The following COL17A1 variants were observed in gnomAD, a reference collection of about 807,000 sequenced individuals.
COL17A1 encodes the protein collagen alpha-1(XVII) chain.
In COL17A1, 181 loss-of-function variants were observed where a neutral mutation model predicts 218.4. The observed-to-expected ratio is 0.83, with a 90% CI of 0.73 to 0.94. The LOEUF (loss-of-function observed/expected upper bound fraction) is 0.94. Ranked by LOEUF, COL17A1 falls within the 40% of genes least tolerant of loss-of-function variation. COL17A1 has a pLI of 0.00. For synonymous variants in COL17A1, 721 were observed against 731.0 expected, an observed-to-expected ratio of 0.99 and a Z score of 0.22; for missense variants, 1,924 against 1,945.9, an observed-to-expected ratio of 0.99 and a Z score of 0.21.
chr10:104,040,551 TGGATGAATGGGC>T (rs1311311263), intron 39 of COL17A1, 141 bp from the exon 40 acceptor site: 6 of 618,952 alleles, frequency 9.7e-6, no homozygotes, highest in African/African-American at 7.3e-5. Context: ...AATGGGTGGG[TGGATGAATGGGC>T]GGGTGGGTGG....
At chr10:104,036,710 TC>T (rs1221384758) in intron 47 of COL17A1, 78 bp from the exon 48 acceptor site, 1 of 1,553,080 alleles carries the variant, frequency 6.4e-7, no homozygotes, top group South Asian at 1.1e-5. Flanking sequence ...CAGCCTGGGC[TC>T]CCCTGCACAA....
At chr10:104,082,990 A>G (rs918549742) in intron 1 of COL17A1, among the ~76,000 whole-genome samples, 1 of 152,198 alleles carries the variant, frequency 6.6e-6, no homozygotes, top group Non-Finnish European at 1.5e-5. Context: ...GTACAGGTAG[A>G]TGCCTCTCTC....
In COL17A1 at chr10:104,033,383, A is replaced by G; in HGVS notation, c.4157-8T>C. ...CTTGCAGTAGGCCCTGACCTGTAAA[A>G]CACCAGAGCTTGGGCACAGGAAGCA... On this transcript the variant is annotated splice_polypyrimidine_tract_variant and splice_region_variant and intron_variant, in intron 52 of 55. Transcript: ENST00000648076. The G allele has an allele frequency of 3.1e-6, 5 of 1,609,842 alleles. No homozygotes were observed. The highest frequency in any genetic ancestry group is 4.2e-6 in the Non-Finnish European group (5 of 1,178,446).
rs1021006864 is a variant in COL17A1, at chr10:104,035,367, T to C, written c.3515A>G (p.Glu1172Gly). ...EELLSLLRGS[E>G]FRGIVGPPGP... The stretch of plus-strand genomic sequence containing the variant: ...TGGGGGTCCAACGATGCCTCTGAAT[T>C]CAGACCCTGAGACACCAAGGGAGGG... The change falls in exon 50 of 56, where the codon GAA (glutamate) becomes GGA (glycine). Residue 1172 changes from glutamate to glycine, a missense_variant. Coordinates refer to ENST00000648076, the MANE Select transcript of COL17A1 (RefSeq NM_000494.4). The C allele has an allele frequency of 6.2e-6, 10 of 1,613,558 alleles. No homozygotes were observed. The highest frequency in any genetic ancestry group is 3.3e-5 in the Admixed American group (2 of 59,990).
Position 104,072,046 on chromosome 10 carries a change from G to A in COL17A1, c.449C>T (p.Ser150Phe). 1 of 1,614,124 alleles carries A rather than the reference G, an allele frequency of 6.2e-7. No homozygotes were observed. The highest frequency in any genetic ancestry group is 1.3e-5 in the African/African-American group (1 of 75,022). Residue 150 changes from serine to phenylalanine, a missense_variant, in exon 8 of 56, where the codon TCC becomes TTC. Coordinates refer to ENST00000648076, the MANE Select transcript of COL17A1 (RefSeq NM_000494.4). ...TGACCACTTACATCGGGTGGATGGG[G>A]ACGCACTCTGCAGTCGAACTCGAAT... ...SEIRVRLQSA[S>F]PSTRWTELDD...
chr10:104,032,281 A>G lies in COL17A1; in HGVS notation c.4448T>C (p.Val1483Ala). 1.9e-6 allele frequency: 3 copies of G among 1,614,016 alleles called. No individual in the cohort carries two copies. The highest frequency in any genetic ancestry group is 1.1e-5 in the South Asian group (1 of 91,084). Residue 1483 changes from valine to alanine, a missense_variant, in exon 56 of 56, where the codon GTC (valine) becomes GCC (alanine). Val to Ala is a moderately conservative substitution (Grantham distance 64). Coordinates refer to ENST00000648076, the MANE Select transcript of COL17A1 (RefSeq NM_000494.4). Reference protein sequence around the residue: ...KGEKGDKGDQVYAGRRRRRSI... With the variant: ...KGEKGDKGDQAYAGRRRRRSI... ...TCTTCTCCTTCTCCGCCCAGCATAG[A>G]CTTGGTCACCTGAAAGTTAGAAGAT...
In COL17A1 at chr10:104,054,381, C is replaced by T. The variant is rs805689; in HGVS notation, c.1745-263G>A. ...GGGAGTCCTGTATTTTATCTGACAA[C>T]TGCAGGTTCAGGTACTCTGGCAGTA... On this transcript the variant is annotated intron_variant, in intron 20 of 55. Transcript: ENST00000648076. 0.6 allele frequency among the ~76,000 whole-genome samples: 91,342 copies of T among 152,036 alleles called. 29,050 individuals are homozygous for T. The highest frequency in any genetic ancestry group is 0.7 in the Non-Finnish European group (47,457 of 68,004).
chr10:104,038,231 TACACACACACACACACAC>T (rs59808906), intron 45 of COL17A1, among the ~76,000 whole-genome samples, 157 bp downstream of exon 45: 3,447 of 142,032 alleles, frequency 0.024, 82 homozygotes, highest in East Asian at 0.059. Context: ...TAGACACACA[TACACACACACACACACAC>T]ACACACACAC....
chr10:104,058,222 T>G (rs1422263556), intron 15 of COL17A1, 32 bp from the exon 16 acceptor site: 1 of 1,614,010 alleles, frequency 6.2e-7, no homozygotes, highest in Admixed American at 1.7e-5. Context: ...CCTGAGCTTT[T>G]AAACTGGAGG....
intron 27 of COL17A1, 54 bp from the exon 28 acceptor site, chr10:104,050,178 ACT>A: frequency 1.2e-6 from 2 of 1,612,010 alleles, no homozygotes; most frequent in Non-Finnish European, 1.7e-6. Context: ...CAAGGAAAAC[ACT>A]CTCACCCAGT....
intron 9 of COL17A1, among the ~76,000 whole-genome samples, chr10:104,065,256 G>A (rs2086617523): frequency 6.6e-6 from 1 of 152,268 alleles, no homozygotes; most frequent in Admixed American, 6.5e-5. Context: ...CTGATGTTTT[G>A]GTTTTAGGGT....
Position 104,052,167 on chromosome 10 carries a change from C to G in COL17A1, c.1990G>C (p.Val664Leu). ...ACACTGGACTTACCTTTGGGACCCA[C>G]AGAACCTGGGACACCAGGTGGGCCA... is the stretch of plus-strand genomic sequence containing the variant. Reference protein sequence around the residue: ...PHGPPGVPGSVGPKGSSGSPG... With the variant: ...PHGPPGVPGSLGPKGSSGSPG... Residue 664 changes from valine (V) to leucine (L), a missense_variant, in exon 24 of 56, where the codon GTG becomes CTG. Val to Leu is a conservative substitution (Grantham distance 32). Coordinates refer to ENST00000648076, the MANE Select transcript of COL17A1 (RefSeq NM_000494.4). 1.9e-6 allele frequency: 3 copies of G among 1,614,134 alleles called. No homozygotes were observed. The highest frequency in any genetic ancestry group is 4.5e-5 in the East Asian group (2 of 44,872).
intron 3 of COL17A1, 58 bp downstream of exon 3, chr10:104,078,484 G>A (rs1407745752): frequency 1.2e-6 from 2 of 1,611,900 alleles, no homozygotes; most frequent in Admixed American, 3.3e-5. Context: ...AAGGTTACAG[G>A]TGTGGGGCCC....
chr10:104,042,830 T>C (rs2086373554), intron 35 of COL17A1, among the ~76,000 whole-genome samples: 1 of 152,212 alleles, frequency 6.6e-6, no homozygotes, highest in East Asian at 1.9e-4. Flanking sequence ...TAAAAACACA[T>C]ATAACAAAAT....
intron 7 of COL17A1, among the ~76,000 whole-genome samples, chr10:104,072,524 T>C (rs1393167175): frequency 6.6e-6 from 1 of 152,224 alleles, no homozygotes; most frequent in East Asian, 1.9e-4. Context: ...GCTAACATTA[T>C]TAGTTAGCTT....
At chr10:104,035,887 A>AGT (rs59454931) in intron 48 of COL17A1, among the ~76,000 whole-genome samples, 10 of 128,232 alleles carry the variant, frequency 7.8e-5, no homozygotes, top group East Asian at 2.3e-4. Flanking sequence ...TGAGTACTGG[A>AGT]GTGTATGGGA....
intron 8 of COL17A1, among the ~76,000 whole-genome samples, chr10:104,071,325 G>A (rs924353510): frequency 6.6e-6 from 1 of 152,114 alleles, no homozygotes; most frequent in South Asian, 2.1e-4. Flanking sequence ...CCTGGAGTCA[G>A]ACTCCACAAC....
chr10:104,049,777 T>C (rs1235468173), intron 28 of COL17A1, among the ~76,000 whole-genome samples: 1 of 152,264 alleles, frequency 6.6e-6, no homozygotes, highest in Non-Finnish European at 1.5e-5. Context: ...GTTGAGAGGA[T>C]ACCGGGGTGC....
chr10:104,043,402 A>G, intron 35 of COL17A1, 99 bp downstream of exon 35: 6 of 1,096,898 alleles, frequency 5.5e-6, no homozygotes, highest in Non-Finnish European at 8.2e-6. Context: ...TACCAGGTTC[A>G]GTTCCTGCCC....
Sources: gnomAD v4.1 joint callset for allele counts (sites outside exome capture counted in the v4.1 genomes callset) on GRCh38, gnomAD v4.1.1 for gene constraint, MANE v1.5 for transcripts, NCBI Gene and HGNC (gene_info 2026-07-23, HGNC 2026-07-21) for gene names.